Variants in GALNT2 observed in about 807,000 individuals in gnomAD.
The protein encoded by GALNT2 is polypeptide N-acetylgalactosaminyltransferase 2, also known as UDP-GalNAc:polypeptide N-acetylgalactosaminyltransferase 2.
A neutral mutation model predicts 81.4 loss-of-function variants in GALNT2; 31 were observed. The observed-to-expected ratio is 0.38, with a 90% confidence interval of 0.29 to 0.51. The LOEUF (loss-of-function observed/expected upper bound fraction) is 0.51. Ranked by LOEUF, GALNT2 falls within the 20% of genes least tolerant of loss-of-function variation. The pLI, the probability that GALNT2 is intolerant of heterozygous loss-of-function variation, is 0.87. For synonymous variants in GALNT2, 303 were observed against 287.4 expected (o/e 1.05, Z -0.55); for missense variants, 629 against 765.7 (o/e 0.82, Z 2.11).
intron 1 of GALNT2, among the ~76,000 whole-genome samples, chr1:230,155,874 G>A (rs1293708533): frequency 6.6e-6 from 1 of 152,078 alleles, no homozygotes; most frequent in Admixed American, 6.5e-5. Flanking sequence ...GAGGACAAAA[G>A]CCTTGCTTTA....
At chr1:230,153,181 A>G (rs562124369) in intron 1 of GALNT2, among the ~76,000 whole-genome samples, 13 of 152,312 alleles carry the variant, frequency 8.5e-5, no homozygotes, top group Admixed American at 8.5e-4. Flanking sequence ...TTCTTATCTC[A>G]GTCTGTGGAG....
chr1:230,090,468 G>A (rs1190936593), intron 1 of GALNT2, among the ~76,000 whole-genome samples: 1 of 152,128 alleles, frequency 6.6e-6, no homozygotes, highest in African/African-American at 2.4e-5. Flanking sequence ...TACCAGAACT[G>A]GTGTCCTGCT....
intron 1 of GALNT2, among the ~76,000 whole-genome samples, chr1:230,089,664 A>G (rs1349192711): frequency 6.6e-6 from 1 of 152,194 alleles, no homozygotes; most frequent in Non-Finnish European, 1.5e-5. Flanking sequence ...GGAGTCATTC[A>G]GTATTTATCC....
chr1:230,278,913 A>T (rs773694842), intron 15 of GALNT2, among the ~76,000 whole-genome samples: 39 of 152,110 alleles, frequency 2.6e-4, no homozygotes, highest in Admixed American at 8.5e-4. Context: ...CATTGTGTGG[A>T]TCCCTTCTTG....
chr1:230,252,637 G>A (rs548141473), intron 10 of GALNT2, among the ~76,000 whole-genome samples: 19 of 152,108 alleles, frequency 1.2e-4, no homozygotes, highest in Non-Finnish European at 2.1e-4. Context: ...TATCCTCAAA[G>A]TTATAGGGTT....
chr1:230,209,804 G>A (rs1218658826), intron 3 of GALNT2, among the ~76,000 whole-genome samples: 1 of 151,320 alleles, frequency 6.6e-6, no homozygotes, highest in Non-Finnish European at 1.5e-5. Context: ...AGCCTGGGTG[G>A]CAGAGCAAGA....
At chr1:230,199,163 T>C (rs1317530740) in intron 2 of GALNT2, among the ~76,000 whole-genome samples, 1 of 152,196 alleles carries the variant, frequency 6.6e-6, no homozygotes, top group East Asian at 1.9e-4. Flanking sequence ...ATGGATGACA[T>C]GTCATATTTT....
intron 13 of GALNT2, chr1:230,263,844 T>C (rs1665952887): frequency 6.6e-6 from 1 of 152,270 alleles, no homozygotes; most frequent in Admixed American, 6.5e-5. Flanking sequence ...CCATTATCTT[T>C]CCGCTAACAG....
At chr1:230,222,181 C>T (rs1664570845) in intron 3 of GALNT2, among the ~76,000 whole-genome samples, 1 of 151,972 alleles carries the variant, frequency 6.6e-6, no homozygotes, top group Non-Finnish European at 1.5e-5. Context: ...CGTCCACCAC[C>T]ACGCCCGGCT....
intron 3 of GALNT2, among the ~76,000 whole-genome samples, chr1:230,232,323 A>G (rs1664890981): frequency 6.6e-6 from 1 of 152,162 alleles, no homozygotes; most frequent in Non-Finnish European, 1.5e-5. Context: ...TGGATGCCTT[A>G]TGAATATGTA....
At chr1:230,203,337 C>G in intron 3 of GALNT2, 47 bp downstream of exon 3, 1 of 1,595,412 alleles carries the variant, frequency 6.3e-7, no homozygotes, top group Non-Finnish European at 8.6e-7. Flanking sequence ...TGCTTTCACA[C>G]AAACCAGTAC....
intron 1 of GALNT2, among the ~76,000 whole-genome samples, chr1:230,090,675 C>A (rs1197962196): frequency 6.6e-6 from 1 of 152,186 alleles, no homozygotes; most frequent in East Asian, 1.9e-4. Flanking sequence ...AGGTTTCTAT[C>A]TGTGTTTTTC....
intron 15 of GALNT2, among the ~76,000 whole-genome samples, chr1:230,278,572 G>A (rs1364156067): frequency 2.0e-5 from 3 of 152,150 alleles, no homozygotes; most frequent in Non-Finnish European, 4.4e-5. Flanking sequence ...TTAGTAAAGA[G>A]GCATCGTACC....
chr1:230,172,294 C>T (rs148160184), intron 1 of GALNT2, among the ~76,000 whole-genome samples: 329 of 152,258 alleles, frequency 2.2e-3, no homozygotes, highest in African/African-American at 7.5e-3. Context: ...TGGATGGGCC[C>T]CAGTGAGGAA....
Position 230,265,328 on chromosome 1 carries a change from G to C in GALNT2, c.1401G>C (p.Val467=). 3.7e-6 allele frequency: 6 copies of C among 1,614,236 alleles called. No individual in the cohort carries two copies. Among genetic ancestry groups the C allele is most frequent in the Non-Finnish European group, 5.1e-6 (6 of 1,180,046 alleles). ...LDTLGHFADG[V]VGVYECHNAG... is the part of the protein sequence containing the mutation. ...CTTTGGGACACTTTGCTGATGGTGTGGTTGGAGTTTATGAATGTCACAATG... is the reference window on the plus strand; with the variant it reads ...CTTTGGGACACTTTGCTGATGGTGTCGTTGGAGTTTATGAATGTCACAATG... Residue 467 remains valine, a synonymous_variant, in exon 14 of 16, where the codon GTG becomes GTC. Transcript: ENST00000366672.
intron 15 of GALNT2, among the ~76,000 whole-genome samples, chr1:230,278,999 G>A (rs909136397): frequency 1.6e-4 from 24 of 152,156 alleles, no homozygotes; most frequent in Non-Finnish European, 2.9e-4. Context: ...TGTTAATGAC[G>A]AAGGGGTGGG....
chr1:230,125,352 T>C (rs1225786166), intron 1 of GALNT2, among the ~76,000 whole-genome samples: 1 of 152,224 alleles, frequency 6.6e-6, no homozygotes, highest in East Asian at 1.9e-4. Context: ...AGAATGTCCC[T>C]GTGTTTCTCA....
intron 3 of GALNT2, among the ~76,000 whole-genome samples, chr1:230,230,870 T>G (rs533093224): frequency 3.3e-4 from 50 of 152,348 alleles, no homozygotes; most frequent in African/African-American, 1.2e-3. Context: ...ACCCTCTGTT[T>G]GGTCTTCGTG....
chr1:230,167,552 T>C (rs1662649081), intron 1 of GALNT2, among the ~76,000 whole-genome samples: 1 of 152,234 alleles, frequency 6.6e-6, no homozygotes, highest in African/African-American at 2.4e-5. Flanking sequence ...TCATGGGAGA[T>C]GGTGGCACCT....
Sources: gnomAD v4.1 joint callset for allele counts (sites outside exome capture counted in the v4.1 genomes callset) on GRCh38, gnomAD v4.1.1 for gene constraint, MANE v1.5 for transcripts, NCBI Gene and HGNC (gene_info 2026-07-23, HGNC 2026-07-21) for gene names.